NKIRAS2: variants seen among roughly 807,000 people sequenced by gnomAD.
NKIRAS2 encodes NFKB inhibitor interacting Ras like 2, also known as NF-kappa-B inhibitor-interacting Ras-like protein 2.
A neutral mutation model predicts 20.7 loss-of-function variants in NKIRAS2; 15 were observed. The ratio of observed to expected loss-of-function variants is 0.73; its 90% CI spans 0.49 to 1.12. The LOEUF (loss-of-function observed/expected upper bound fraction) is 1.12, where lower values mean the gene tolerates loss of function less well. Ranked by LOEUF, NKIRAS2 falls within the 50% of genes most tolerant of loss-of-function variation. NKIRAS2 has a pLI of 0.00. For missense variants in NKIRAS2, 196 were observed against 249.6 expected (o/e 0.79, Z 1.45); for synonymous variants, 116 against 101.4 (o/e 1.14, Z -0.87).
At position 42,022,616 on chromosome 17, in the gene NKIRAS2, T is replaced by C; in HGVS notation, c.312T>C (p.Ile104=). Residue 104 remains isoleucine (I), a synonymous_variant, in exon 3 of 4, where the codon ATT becomes ATC. Coordinates refer to ENST00000393885, the MANE Select transcript of NKIRAS2 (RefSeq NM_017595.6). The stretch of plus-strand genomic sequence containing the variant: ...GTGTGGAGCTGCTCAAGAAGGAGAT[T>C]GACAAATCCAAGGACAAGAAGGAGG... ...FQRVELLKKE[I]DKSKDKKEVT... The C allele has an allele frequency of 4.3e-6, 7 of 1,613,452 alleles. No individual in the cohort carries two copies. Among genetic ancestry groups the C allele is most frequent in the Non-Finnish European group, 5.9e-6 (7 of 1,179,556 alleles).
rs2052523909 is a variant in NKIRAS2, at chr17:42,024,173, C to G, written c.*280C>G. 2.4e-6 allele frequency: 1 copy of G among 418,700 alleles called. No homozygotes were observed. The highest frequency in any genetic ancestry group is 2.0e-5 in the African/African-American group (1 of 49,460). 25.9% of individuals were successfully genotyped at this position (418,700 alleles called of 1,614,324 possible). A position where few individuals can be genotyped will look rare whatever the true frequency, so the allele number is the denominator to read the frequency against. Reference sequence around the variant, plus strand: ...GGGCAGTTGTGGGTCACTGTCCCTTCCAGCTGCCCCAGACAGGAAGCAGAG... The same window carrying G: ...GGGCAGTTGTGGGTCACTGTCCCTTGCAGCTGCCCCAGACAGGAAGCAGAG... On this transcript the variant is annotated 3_prime_UTR_variant, in exon 4 of 4. Coordinates refer to ENST00000393885, the MANE Select transcript of NKIRAS2 (RefSeq NM_017595.6).
chr17:42,023,416 AGAGCTGGT>A (rs1203951548), intron 3 of NKIRAS2, among the ~76,000 whole-genome samples: 2 of 152,254 alleles, frequency 1.3e-5, no homozygotes, highest in East Asian at 3.8e-4. Context: ...TGGGCAATAC[AGAGCTGGT>A]GATAGAACTC....
upstream of NKIRAS2, among the ~76,000 whole-genome samples, chr17:42,019,747 T>C (rs1367997106): frequency 1.3e-5 from 2 of 152,270 alleles, no homozygotes; most frequent in East Asian, 3.8e-4. Context: ...GCAGCCACCA[T>C]GTCTAACTCG....
At chr17:42,018,928 C>T (rs568982834), upstream of NKIRAS2, among the ~76,000 whole-genome samples, 10 of 152,170 alleles carry the variant, frequency 6.6e-5, no homozygotes, top group Admixed American at 1.3e-4. Context: ...CACACCTCAA[C>T]AACAGAAAAA....
chr17:42,024,116 A>G lies in NKIRAS2; in HGVS notation c.*223A>G. The G allele has an allele frequency of 1.7e-6, 1 of 602,588 alleles. No homozygotes were observed. Among genetic ancestry groups the G allele is most frequent in the Non-Finnish European group, 2.8e-6 (1 of 358,962 alleles). The allele number at this position is 602,588 out of a possible 1,614,324, so 37.3% of individuals were successfully genotyped here. On this transcript the variant is annotated 3_prime_UTR_variant, in exon 4 of 4. Coordinates refer to ENST00000393885, the MANE Select transcript of NKIRAS2 (RefSeq NM_017595.6). ...GCCCTCCCAGCCTACTCCCCATCCC[A>G]GCTTTTAGAGGATCTGCTCCACTGT...
rs1567980921 is a variant in NKIRAS2 at position 42,024,774 on chromosome 17, GAAGA to G, written c.*884_*887del. ...GGTCAACAGAGCAAGACTCCATCTC[GAAGA>G]AAAAAAAAAAAAATTCCCCACCCCT... On this transcript the variant is annotated 3_prime_UTR_variant, in exon 4 of 4. Coordinates refer to ENST00000393885, the MANE Select transcript of NKIRAS2 (RefSeq NM_017595.6). 6.0e-5 allele frequency: 3 copies of G among 50,258 alleles called. No individual in the cohort carries two copies. Among genetic ancestry groups the G allele is most frequent in the Non-Finnish European group, 1.0e-4 (2 of 19,516 alleles). 3.1% of individuals were successfully genotyped at this position (50,258 alleles called of 1,614,324 possible).
intron 2 of NKIRAS2, 126 bp downstream of exon 2, chr17:42,021,797 C>A: frequency 1.1e-6 from 1 of 874,022 alleles, no homozygotes; most frequent in Admixed American, 1.7e-5. Context: ...ATAAAACTTA[C>A]ATTGTAACAG....
chr17:42,020,475 T>G, intron 1 of NKIRAS2: 1 of 148,602 alleles, frequency 6.7e-6, no homozygotes, highest in Non-Finnish European at 1.5e-5. Context: ...GGGGGGGATC[T>G]TTGTCTGGAG....
Position 42,022,567 on chromosome 17 carries a change from C to T in NKIRAS2, c.263C>T (p.Thr88Ile). 1 of 1,614,150 alleles carries T rather than the reference C, an allele frequency of 6.2e-7. No homozygotes were observed. Among genetic ancestry groups the T allele is most frequent in the Non-Finnish European group, 8.5e-7 (1 of 1,180,022 alleles). The change falls in exon 3 of 4, where the codon ACA (threonine) becomes ATA (isoleucine). Residue 88 changes from threonine to isoleucine, a missense_variant. Coordinates refer to ENST00000393885, the MANE Select transcript of NKIRAS2 (RefSeq NM_017595.6). Reference sequence around the variant, plus strand: ...GATGGCTACGTCCTGGTCTATAGCACAGATAGCAGAGAGTCTTTTCAGCGT... The same window carrying T: ...GATGGCTACGTCCTGGTCTATAGCATAGATAGCAGAGAGTCTTTTCAGCGT... ...CTDGYVLVYS[T>I]DSRESFQRVE...
chr17:42,019,942 T>C (rs2052397636), upstream of NKIRAS2: 1 of 152,272 alleles, frequency 6.6e-6, no homozygotes, highest in African/African-American at 2.4e-5. Flanking sequence ...TCTAGAACCT[T>C]GGGCTCCCGC....
At chr17:42,022,027 T>C (rs1411332650) in intron 2 of NKIRAS2, 2 of 507,814 alleles carry the variant, frequency 3.9e-6, no homozygotes, top group Non-Finnish European at 7.6e-6. Context: ...CTAACGAACT[T>C]GGAGAAACCC....
At chr17:42,021,693 G>A (rs782472496) in intron 2 of NKIRAS2, 22 bp downstream of exon 2, 6 of 1,593,966 alleles carry the variant, frequency 3.8e-6, no homozygotes, top group Admixed American at 3.3e-5. Context: ...TGGAGGGGGA[G>A]GAACAGTGGA....
chr17:42,021,209 C>G (rs892513324), intron 1 of NKIRAS2: 58 of 232,108 alleles, frequency 2.5e-4, no homozygotes, highest in Non-Finnish European at 3.8e-4. Context: ...GGGAACCTGG[C>G]CCAGTGGCCA....
At chr17:42,022,191 G>GGC in intron 2 of NKIRAS2, 1 of 564,178 alleles carries the variant, frequency 1.8e-6, no homozygotes, top group Non-Finnish European at 3.1e-6. Flanking sequence ...CCTGGGCAAC[G>GGC]AGAGCAAAAC....
In NKIRAS2 at chr17:42,022,459, G is replaced by C. The variant is rs1555653278; in HGVS notation, c.155G>C (p.Gly52Ala). ...GTGGGCTCCATTGAGACAGACCGGG[G>C]GGTGCGAGAGCAGGTGCGTTTCTAT... ...IYVGSIETDRGVREQVRFYDT... is the reference protein window; with the variant it reads ...IYVGSIETDRAVREQVRFYDT... Residue 52 changes from glycine to alanine, a missense_variant, in exon 3 of 4, where the codon GGG (glycine) becomes GCG (alanine). Physicochemically the swap from Gly to Ala is moderately conservative, Grantham distance 60 (BLOSUM62 0). Transcript: ENST00000393885. 1 of 1,611,832 alleles carries C rather than the reference G, an allele frequency of 6.2e-7. No homozygotes were observed. The highest frequency in any genetic ancestry group is 8.5e-7 in the Non-Finnish European group (1 of 1,178,044).
intron 3 of NKIRAS2, 147 bp from the exon 4 acceptor site, chr17:42,023,507 A>G: frequency 1.3e-6 from 1 of 742,050 alleles, no homozygotes; most frequent in Non-Finnish European, 2.2e-6. Context: ...CTCCTTCCCC[A>G]CAATGAGTGG....
At chr17:42,022,066 G>A (rs950299782) in intron 2 of NKIRAS2, 65 of 433,716 alleles carry the variant, frequency 1.5e-4, no homozygotes, top group Admixed American at 3.3e-4. Context: ...AAAATTAGCC[G>A]GGTGTGGTGG....
Position 42,023,932 on chromosome 17 carries a change from C to T in NKIRAS2, c.*39C>T, listed in dbSNP as rs1555653691. On this transcript the variant is annotated 3_prime_UTR_variant, in exon 4 of 4. Transcript: ENST00000393885. ...CTCTTTCACGATCCCAGCCCCATTTCAGTGTCTGGGGCTCTGGTAGATGTG... is the reference window on the plus strand; with the variant it reads ...CTCTTTCACGATCCCAGCCCCATTTTAGTGTCTGGGGCTCTGGTAGATGTG... The T allele has an allele frequency of 1.9e-6, 3 of 1,605,506 alleles. No individual in the cohort carries two copies. The highest frequency in any genetic ancestry group is 2.6e-6 in the Non-Finnish European group (3 of 1,175,200).
At chr17:42,018,915 A>G (rs1418015445), upstream of NKIRAS2, among the ~76,000 whole-genome samples, 5 of 152,134 alleles carry the variant, frequency 3.3e-5, no homozygotes, top group African/African-American at 1.2e-4. Flanking sequence ...TTCATTGTCT[A>G]CCCACACCTC....
Sources: allele counts gnomAD v4.1 joint callset (sites outside exome capture counted in the v4.1 genomes callset), GRCh38; gene constraint gnomAD v4.1.1; transcripts MANE v1.5; gene names NCBI Gene and HGNC (gene_info 2026-07-23, HGNC 2026-07-21).